Variants in DEPDC5 observed in about 807,000 individuals in gnomAD.
DEPDC5 encodes DEP domain containing 5, GATOR1 subcomplex subunit.
Under a neutral mutation model 217.3 loss-of-function variants are expected in DEPDC5, and 73 were observed. The observed-to-expected ratio is 0.34, with a 90% CI of 0.28 to 0.41. The LOEUF (loss-of-function observed/expected upper bound fraction) is 0.41, where lower values mean the gene tolerates loss of function less well. DEPDC5 is among the 10% of genes least tolerant of loss of function. The pLI is 1.00. For missense variants in DEPDC5, 1,675 were observed against 2,070.1 expected, an observed-to-expected ratio of 0.81 and a Z score of 3.70; for synonymous variants, 733 against 756.7, an observed-to-expected ratio of 0.97 and a Z score of 0.51.
chr22:31,822,303 A>G (rs1377273082), intron 23 of DEPDC5, among the ~76,000 whole-genome samples: 1 of 152,182 alleles, frequency 6.6e-6, no homozygotes, highest in Non-Finnish European at 1.5e-5. Context: ...CCTAGGGGAT[A>G]GATAAGGGAT....
At chr22:31,905,850 A>G in intron 41 of DEPDC5, 134 bp from the exon 42 acceptor site, 1 of 753,892 alleles carries the variant, frequency 1.3e-6, no homozygotes, top group Non-Finnish European at 2.1e-6. Flanking sequence ...AGCAGCCTGC[A>G]TGTGCAATCT....
At chr22:31,779,832 T>G (rs1378838117) in intron 8 of DEPDC5, among the ~76,000 whole-genome samples, 1 of 152,066 alleles carries the variant, frequency 6.6e-6, no homozygotes, top group Non-Finnish European at 1.5e-5. Context: ...AATTCCATGA[T>G]CCACCAAGAG....
intron 39 of DEPDC5, among the ~76,000 whole-genome samples, chr22:31,896,152 T>C (rs2093548659): frequency 6.6e-6 from 1 of 152,200 alleles, no homozygotes; most frequent in Non-Finnish European, 1.5e-5. Flanking sequence ...CATCTGTTCA[T>C]GTAAAACCCA....
chr22:31,843,062 A>G, intron 27 of DEPDC5, 33 bp from the exon 28 acceptor site: 2 of 1,545,124 alleles, frequency 1.3e-6, no homozygotes, highest in Non-Finnish European at 1.8e-6. Flanking sequence ...ATGAGCTTCA[A>G]ACAGATGGAG....
intron 14 of DEPDC5, among the ~76,000 whole-genome samples, chr22:31,799,481 AT>A (rs201792562): frequency 0.11 from 14,075 of 128,250 alleles, 658 homozygotes; most frequent in Admixed American, 0.15. Flanking sequence ...TCTTAATGCT[AT>A]TTTTTTTTTT....
rs957048583 is a variant in DEPDC5, at chr22:31,856,268, G to A, written c.3156-1177G>A. ...ACACACACACACTTCATTGCCTATG[G>A]CAGCCCATGCAGCTGGGGCTGTCCC... On this transcript the variant is annotated intron_variant, in intron 31 of 42. Coordinates refer to ENST00000651528, the MANE Select transcript of DEPDC5 (RefSeq NM_001242896.3). Among the ~76,000 whole-genome samples, 15 of 150,472 alleles carry A rather than the reference G, an allele frequency of 1.0e-4. 1 individual carries two copies. The highest frequency in any genetic ancestry group is 3.7e-4 in the African/African-American group (15 of 40,642).
At chr22:31,866,883 A>T (rs1307793303) in intron 33 of DEPDC5, among the ~76,000 whole-genome samples, 1 of 152,228 alleles carries the variant, frequency 6.6e-6, no homozygotes, top group Non-Finnish European at 1.5e-5. Flanking sequence ...TCCACACAAC[A>T]TCACTGGCGA....
At position 31,815,209 on chromosome 22, in the gene DEPDC5, C is replaced by G. The variant is rs587776973; in HGVS notation, c.1663C>G (p.Arg555Gly). 2 of 1,614,026 alleles carry G rather than the reference C, an allele frequency of 1.2e-6. No homozygotes were observed. The highest frequency in any genetic ancestry group is 3.3e-5 in the Admixed American group (2 of 60,000). ...VSSSLGYTST[R>G]DVLENMMEPP... ...CAGCTCCTTGGGATACACCAGCACT[C>G]GAGGTAAGAGTGCTGAAGCACAGAC... Residue 555 changes from arginine (R) to glycine (G), a missense_variant, in exon 21 of 43, where the codon CGA (arginine) becomes GGA (glycine). By Grantham distance (125) the Arg-to-Gly change is moderately radical. This residue lies in a region of DEPDC5 where 628 missense variants were observed against 762.1 expected (regional missense o/e 0.82). Coordinates refer to ENST00000651528, the MANE Select transcript of DEPDC5 (RefSeq NM_001242896.3).
intron 38 of DEPDC5, chr22:31,891,178 C>A: frequency 1.8e-6 from 1 of 550,744 alleles, no homozygotes; most frequent in South Asian, 1.6e-5. Context: ...TTTAAACTGT[C>A]AAGTACTAGG....
chr22:31,857,433 TC>T lies in DEPDC5; in HGVS notation c.3156-10del. 1 of 1,589,786 alleles carries T rather than the reference TC, an allele frequency of 6.3e-7. No homozygotes were observed. The highest frequency in any genetic ancestry group is 8.6e-7 in the Non-Finnish European group (1 of 1,167,586). On this transcript the variant is annotated splice_polypyrimidine_tract_variant and intron_variant, in intron 31 of 42. Transcript: ENST00000651528. Reference sequence around the variant, plus strand: ...TGAGCAAGCTGCTGTCATGTGCTTTTCCTCCTTTCAGGTGCCTGGGAGAACA... The same window carrying T: ...TGAGCAAGCTGCTGTCATGTGCTTTTCTCCTTTCAGGTGCCTGGGAGAACA...
In DEPDC5 at chr22:31,857,434, C is replaced by T. The variant is rs1190037679; in HGVS notation, c.3156-11C>T. On this transcript the variant is annotated splice_polypyrimidine_tract_variant and intron_variant, in intron 31 of 42. Coordinates refer to ENST00000651528, the MANE Select transcript of DEPDC5 (RefSeq NM_001242896.3). ...GAGCAAGCTGCTGTCATGTGCTTTT[C>T]CTCCTTTCAGGTGCCTGGGAGAACA... is the stretch of plus-strand genomic sequence containing the variant. The T allele has an allele frequency of 6.3e-7, 1 of 1,590,712 alleles. No homozygotes were observed. Among genetic ancestry groups the T allele is most frequent in the Non-Finnish European group, 8.6e-7 (1 of 1,168,136 alleles).
rs138224212 is a variant in DEPDC5, at chr22:31,780,633, C to G, written c.483+2465C>G. 3.7e-4 allele frequency among the ~76,000 whole-genome samples: 57 copies of G among 152,298 alleles called. 1 individual carries two copies. In the East Asian group the frequency reaches 9.3e-3, roughly 25 times the overall value. On this transcript the variant is annotated intron_variant, in intron 8 of 42. Coordinates refer to ENST00000651528, the MANE Select transcript of DEPDC5 (RefSeq NM_001242896.3). ...CTGCCTTTCCCCTTCCCAAGCCACTCATCCAGGTCTCAGCTCTAGTCTCAG... is the reference window on the plus strand; with the variant it reads ...CTGCCTTTCCCCTTCCCAAGCCACTGATCCAGGTCTCAGCTCTAGTCTCAG...
intron 27 of DEPDC5, among the ~76,000 whole-genome samples, chr22:31,842,040 A>G (rs1379010105): frequency 6.6e-6 from 1 of 152,218 alleles, no homozygotes; most frequent in Non-Finnish European, 1.5e-5. Flanking sequence ...CAGTTCAGCT[A>G]ATACTGGACA....
chr22:31,776,256 A>G (rs994615906), intron 7 of DEPDC5, among the ~76,000 whole-genome samples: 31 of 151,658 alleles, frequency 2.0e-4, no homozygotes, highest in Non-Finnish European at 2.7e-4. Context: ...GGACTACAGC[A>G]TGTGCCACCA....
chr22:31,814,287 A>G (rs2088811578), intron 20 of DEPDC5: 1 of 152,262 alleles, frequency 6.6e-6, no homozygotes, highest in South Asian at 2.1e-4. Flanking sequence ...TGTTTCAACA[A>G]ATAAGAACTA....
At chr22:31,810,709 A>G in intron 20 of DEPDC5, 68 bp downstream of exon 20, 1 of 1,594,008 alleles carries the variant, frequency 6.3e-7, no homozygotes, top group Admixed American at 1.8e-5. Context: ...TTCAGTAGTG[A>G]CCTCTAAGAG....
intron 31 of DEPDC5, among the ~76,000 whole-genome samples, chr22:31,855,445 C>T (rs1602451252): frequency 6.7e-6 from 1 of 149,848 alleles, no homozygotes; most frequent in South Asian, 2.1e-4. Context: ...GGCGCGATAT[C>T]GGCTCATTGC....
chr22:31,879,481 G>A, intron 37 of DEPDC5, 44 bp from the exon 38 acceptor site: 2 of 1,563,122 alleles, frequency 1.3e-6, no homozygotes, highest in Non-Finnish European at 1.7e-6. Flanking sequence ...AAGAAAATAA[G>A]CATTTGTGTT....
At chr22:31,805,931 C>G (rs1384244504) in intron 17 of DEPDC5, among the ~76,000 whole-genome samples, 191 bp from the exon 18 acceptor site, 1 of 152,052 alleles carries the variant, frequency 6.6e-6, no homozygotes, top group African/African-American at 2.4e-5. Flanking sequence ...GACTCTGTCT[C>G]TACCAAAAAA....
Sources: allele counts gnomAD v4.1 joint callset (sites outside exome capture counted in the v4.1 genomes callset), GRCh38; gene constraint gnomAD v4.1.1; regional missense constraint gnomAD v4.1.1; transcripts MANE v1.5; gene names NCBI Gene and HGNC (gene_info 2026-07-23, HGNC 2026-07-21).